Variants in FHIT observed in about 807,000 individuals in gnomAD.
FHIT encodes the protein fragile histidine triad diadenosine triphosphatase.
A neutral mutation model predicts 17.9 loss-of-function variants in FHIT; 19 were observed. The observed-to-expected ratio is 1.06, with a 90% CI of 0.74 to 1.56. The LOEUF (loss-of-function observed/expected upper bound fraction) is 1.56, where lower values mean the gene tolerates loss of function less well. FHIT is among the 40% of genes most tolerant of loss of function. The pLI is 0.00. For missense variants in FHIT, 248 were observed against 189.2 expected (o/e 1.31, Z -1.82); for synonymous variants, 81 against 69.7 (o/e 1.16, Z -0.81).
At chr3:59,932,467 G>C (rs1706020889) in intron 7 of FHIT, among the ~76,000 whole-genome samples, 1 of 152,172 alleles carries the variant, frequency 6.6e-6, no homozygotes, top group African/African-American at 2.4e-5. Flanking sequence ...AGGAGAAAGA[G>C]GGGAATGGCA....
intron 5 of FHIT, among the ~76,000 whole-genome samples, chr3:60,192,818 T>C (rs901355276): frequency 3.3e-5 from 5 of 152,224 alleles, no homozygotes; most frequent in Admixed American, 1.3e-4. Flanking sequence ...TGTTTGGTTT[T>C]GACTTTTCGT....
intron 8 of FHIT, among the ~76,000 whole-genome samples, chr3:59,871,310 T>A (rs932611157): frequency 2.6e-5 from 4 of 152,172 alleles, no homozygotes; most frequent in Non-Finnish European, 5.9e-5. Flanking sequence ...TACGTTTTGA[T>A]CTTATAGATA....
At chr3:59,916,530 A>G (rs967472359) in intron 8 of FHIT, among the ~76,000 whole-genome samples, 1 of 152,178 alleles carries the variant, frequency 6.6e-6, no homozygotes, top group Non-Finnish European at 1.5e-5. Context: ...TAATACATAT[A>G]TTATCTGAAT....
intron 5 of FHIT, among the ~76,000 whole-genome samples, chr3:60,245,730 C>T (rs575385687): frequency 1.3e-5 from 2 of 151,936 alleles, no homozygotes; most frequent in South Asian, 2.1e-4. Flanking sequence ...ACTTTATGTA[C>T]AAAAATATTT....
intron 5 of FHIT, among the ~76,000 whole-genome samples, chr3:60,515,744 G>C (rs915877599): frequency 1.3e-5 from 2 of 152,108 alleles, no homozygotes; most frequent in African/African-American, 4.8e-5. Context: ...TAAGCATTTT[G>C]CATATATTAA....
intron 4 of FHIT, among the ~76,000 whole-genome samples, chr3:60,545,250 T>G (rs2036322700): frequency 6.6e-6 from 1 of 152,208 alleles, no homozygotes; most frequent in Admixed American, 6.5e-5. Flanking sequence ...TACATGGAGA[T>G]GTTTTTTCTT....
intron 2 of FHIT, among the ~76,000 whole-genome samples, chr3:61,169,584 TTAAG>T (rs1163663659): frequency 3.3e-5 from 5 of 152,276 alleles, no homozygotes; most frequent in African/African-American, 9.6e-5. Flanking sequence ...GGAAGTAATA[TTAAG>T]TTAGTTTAAA....
chr3:60,611,481 C>G (rs1553673576), intron 4 of FHIT, among the ~76,000 whole-genome samples: 1 of 152,124 alleles, frequency 6.6e-6, no homozygotes, highest in African/African-American at 2.4e-5. Context: ...ATTCAAAAAA[C>G]TGAAACCTCT....
Position 61,193,823 on chromosome 3 carries a change from C to T in FHIT, c.-164+6794G>A, listed in dbSNP as rs184258869. ...ACCTTTCCTCACCTCTCACAAGAGT[C>T]ACAGCCAACATTCCTATAACAAAAG... On this transcript the variant is annotated intron_variant, in intron 2 of 9. Transcript: ENST00000492590. 9.2e-5 allele frequency among the ~76,000 whole-genome samples: 14 copies of T among 152,260 alleles called. No homozygotes were observed. The South Asian group carries it at 2.7e-3, about 29-fold the overall frequency.
intron 4 of FHIT, among the ~76,000 whole-genome samples, chr3:60,776,312 T>C (rs1291993599): frequency 6.6e-6 from 1 of 152,192 alleles, no homozygotes; most frequent in African/African-American, 2.4e-5. Flanking sequence ...CTGTACGTAA[T>C]GTTTGTCAAG....
intron 5 of FHIT, among the ~76,000 whole-genome samples, chr3:60,398,318 T>G (rs1701531834): frequency 6.6e-6 from 1 of 152,142 alleles, no homozygotes; most frequent in Admixed American, 6.6e-5. Context: ...TGAAAATCTT[T>G]GAGGTATAAT....
intron 3 of FHIT, among the ~76,000 whole-genome samples, chr3:60,867,811 G>A (rs1387876588): frequency 2.6e-5 from 4 of 152,138 alleles, no homozygotes; most frequent in Non-Finnish European, 4.4e-5. Context: ...ACAATAAGCA[G>A]AGCCCCCTGA....
At chr3:60,323,846 C>G (rs1448265644) in intron 5 of FHIT, among the ~76,000 whole-genome samples, 1 of 152,166 alleles carries the variant, frequency 6.6e-6, no homozygotes, top group African/African-American at 2.4e-5. Context: ...GGCTCTGAGC[C>G]TGGGGCCTGC....
chr3:61,100,769 G>A (rs937885017), intron 2 of FHIT, among the ~76,000 whole-genome samples: 20 of 152,126 alleles, frequency 1.3e-4, no homozygotes, highest in Non-Finnish European at 5.9e-5. Context: ...GCATAAGATC[G>A]TATCTCATCG....
chr3:60,559,407 T>C (rs1427946141), intron 4 of FHIT, among the ~76,000 whole-genome samples: 1 of 152,222 alleles, frequency 6.6e-6, no homozygotes, highest in Non-Finnish European at 1.5e-5. Flanking sequence ...GCACGCACTC[T>C]CAGTTACAGC....
At chr3:60,243,865 A>G (rs1705256971) in intron 5 of FHIT, among the ~76,000 whole-genome samples, 1 of 152,196 alleles carries the variant, frequency 6.6e-6, no homozygotes, top group Admixed American at 6.6e-5. Context: ...CAGAACAGAC[A>G]GAAAGTACCA....
At chr3:61,108,749 G>T (rs1371132876) in intron 2 of FHIT, among the ~76,000 whole-genome samples, 1 of 152,186 alleles carries the variant, frequency 6.6e-6, no homozygotes, top group Non-Finnish European at 1.5e-5. Context: ...CTCCAAGAGG[G>T]AAAGGATAGG....
chr3:60,951,052 G>C (rs1708865250), intron 3 of FHIT, among the ~76,000 whole-genome samples: 1 of 152,248 alleles, frequency 6.6e-6, no homozygotes. Flanking sequence ...CTATTGGTTG[G>C]ATTTTCTTTA....
intron 2 of FHIT, among the ~76,000 whole-genome samples, chr3:61,127,405 C>T (rs2036639252): frequency 6.6e-6 from 1 of 152,138 alleles, no homozygotes; most frequent in Non-Finnish European, 1.5e-5. Context: ...ATCTCCAATT[C>T]TTAAACAGCA....
Sources: gnomAD v4.1 joint callset for allele counts (sites outside exome capture counted in the v4.1 genomes callset) on GRCh38, gnomAD v4.1.1 for gene constraint, MANE v1.5 for transcripts, NCBI Gene and HGNC (gene_info 2026-07-23, HGNC 2026-07-21) for gene names.